The following DNM3 variants were observed in gnomAD, a reference collection of about 807,000 sequenced individuals.
DNM3 encodes dynamin 3, also known as dynamin-3.
Under a neutral mutation model 101.6 loss-of-function variants are expected in DNM3, and 47 were observed. The observed-to-expected ratio is 0.46, with a 90% confidence interval of 0.37 to 0.59. The LOEUF (loss-of-function observed/expected upper bound fraction) is 0.59. Ranked by LOEUF, DNM3 falls within the 20% of genes least tolerant of loss-of-function variation. DNM3 has a pLI of 0.00. For missense variants in DNM3, 849 were observed against 1,085.7 expected, an observed-to-expected ratio of 0.78 and a Z score of 3.06; for synonymous variants, 385 against 387.9, an observed-to-expected ratio of 0.99 and a Z score of 0.09.
chr1:172,076,677 T>C (rs1334097628), intron 11 of DNM3, among the ~76,000 whole-genome samples: 2 of 152,214 alleles, frequency 1.3e-5, no homozygotes, highest in South Asian at 2.1e-4. Context: ...GACTTGATCA[T>C]GGTGGAGAAG....
At chr1:172,172,259 C>G (rs2058989077) in intron 14 of DNM3, among the ~76,000 whole-genome samples, 1 of 151,648 alleles carries the variant, frequency 6.6e-6, no homozygotes, top group Non-Finnish European at 1.5e-5. Flanking sequence ...TCTGCAAATA[C>G]AGTAGTCCCC....
chr1:172,190,736 T>C lies in DNM3; in HGVS notation c.1659+59448T>C, dbSNP rs183598704. ...ACTGGTGTGAGATGGTATCTCATTG[T>C]GGTTTTGATTTGCATTTCTCTGATG... is the stretch of plus-strand genomic sequence containing the variant. On this transcript the variant is annotated intron_variant, in intron 14 of 20. Coordinates refer to ENST00000627582, the MANE Select transcript of DNM3 (RefSeq NM_015569.5). Among the ~76,000 whole-genome samples the C allele has an allele frequency of 9.8e-5, 15 of 152,304 alleles. 1 individual carries two copies. The East Asian group carries it at 2.3e-3, about 24-fold the overall frequency.
rs548033118 is a variant in DNM3, at chr1:172,044,939, G to A, written c.1196+487G>A. Reference sequence around the variant, plus strand: ...TGTGCATGTGTGCTTGCACATGTGGGAGCGTGCATATGAAGTGGGCAGCAG... The same window carrying A: ...TGTGCATGTGTGCTTGCACATGTGGAAGCGTGCATATGAAGTGGGCAGCAG... On this transcript the variant is annotated intron_variant, in intron 9 of 20. Coordinates refer to ENST00000627582, the MANE Select transcript of DNM3 (RefSeq NM_015569.5). Among the ~76,000 whole-genome samples, 6 of 152,290 alleles carry A rather than the reference G, an allele frequency of 3.9e-5. No homozygotes were observed. In the East Asian group the frequency reaches 7.7e-4, roughly 20 times the overall value.
At chr1:172,237,365 T>G (rs1008730893) in intron 14 of DNM3, among the ~76,000 whole-genome samples, 27 of 152,132 alleles carry the variant, frequency 1.8e-4, no homozygotes, top group African/African-American at 5.8e-4. Context: ...GGACACCCAG[T>G]GTATGTTCCA....
At chr1:172,049,681 A>G (rs1232090892) in intron 10 of DNM3, among the ~76,000 whole-genome samples, 6 of 152,116 alleles carry the variant, frequency 3.9e-5, no homozygotes, top group African/African-American at 1.2e-4. Context: ...TGCTTTTAAT[A>G]TTTCTTCAAC....
chr1:171,931,652 C>T (rs907839693), intron 2 of DNM3, among the ~76,000 whole-genome samples: 3 of 152,016 alleles, frequency 2.0e-5, no homozygotes, highest in Non-Finnish European at 4.4e-5. Context: ...TTCCCCAATT[C>T]CCTTTATCTT....
At chr1:172,318,442 A>C (rs1334204800) in intron 16 of DNM3, among the ~76,000 whole-genome samples, 1 of 152,242 alleles carries the variant, frequency 6.6e-6, no homozygotes, top group Non-Finnish European at 1.5e-5. Context: ...AGAGGAAGCC[A>C]AATTGTCCCT....
intron 1 of DNM3, among the ~76,000 whole-genome samples, chr1:171,889,102 C>G (rs934346685): frequency 6.6e-6 from 1 of 152,156 alleles, no homozygotes; most frequent in African/African-American, 2.4e-5. Flanking sequence ...ACCTCAGCCT[C>G]CTGAGTAGCT....
intron 2 of DNM3, among the ~76,000 whole-genome samples, chr1:171,965,605 A>T (rs561033816): frequency 4.5e-4 from 69 of 151,990 alleles, no homozygotes; most frequent in Admixed American, 1.6e-3. Context: ...GATACAGATG[A>T]ATAGCCAGAA....
intron 17 of DNM3, among the ~76,000 whole-genome samples, chr1:172,345,763 G>C (rs1380008926): frequency 6.6e-6 from 1 of 152,092 alleles, no homozygotes; most frequent in African/African-American, 2.4e-5. Context: ...CCAGTTTAGG[G>C]GGAGACTGAT....
rs369666355 is a variant in DNM3, at chr1:171,945,779, C to T, written c.235+23958C>T. ...GGATTGGCGTGGGATGTTGGATAAC[C>T]TACTTCATATAGGGTGATCAAAAGG... On this transcript the variant is annotated intron_variant, in intron 2 of 20. Coordinates refer to ENST00000627582, the MANE Select transcript of DNM3 (RefSeq NM_015569.5). Among the ~76,000 whole-genome samples the T allele has an allele frequency of 1.1e-3, 168 of 152,138 alleles. No individual in the cohort carries two copies. The Middle Eastern group carries it at 0.031, about 28-fold the overall frequency.
At chr1:172,292,899 C>G (rs1284778019) in intron 15 of DNM3, among the ~76,000 whole-genome samples, 1 of 152,048 alleles carries the variant, frequency 6.6e-6, no homozygotes, top group Admixed American at 6.6e-5. Context: ...CACTGGCAAC[C>G]AGAAATTGTA....
At chr1:172,362,526 C>T (rs2067795487) in intron 17 of DNM3, among the ~76,000 whole-genome samples, 1 of 151,906 alleles carries the variant, frequency 6.6e-6, no homozygotes, top group Non-Finnish European at 1.5e-5. Context: ...CATACTGAAT[C>T]TCATTTGTTT....
intron 1 of DNM3, among the ~76,000 whole-genome samples, chr1:171,860,544 T>C (rs2125040373): frequency 6.6e-6 from 1 of 152,310 alleles, no homozygotes; most frequent in African/African-American, 2.4e-5. Context: ...TTTTGTAATG[T>C]GGCTATTAGA....
At chr1:172,208,433 G>A (rs1320007864) in intron 14 of DNM3, among the ~76,000 whole-genome samples, 1 of 152,056 alleles carries the variant, frequency 6.6e-6, no homozygotes, top group Non-Finnish European at 1.5e-5. Flanking sequence ...TAGATTTAGA[G>A]TAAAGCAGGT....
At chr1:172,085,211 T>G (rs961364018) in intron 12 of DNM3, among the ~76,000 whole-genome samples, 1 of 151,966 alleles carries the variant, frequency 6.6e-6, no homozygotes, top group Non-Finnish European at 1.5e-5. Flanking sequence ...CAAATTTCTT[T>G]GTGACTTAAG....
chr1:172,129,492 G>T (rs1184970985), intron 13 of DNM3, among the ~76,000 whole-genome samples: 1 of 152,014 alleles, frequency 6.6e-6, no homozygotes, highest in Non-Finnish European at 1.5e-5. Context: ...CCCGAGACTG[G>T]GAAGAAAAAG....
chr1:171,950,839 A>T (rs1252179768), intron 2 of DNM3, among the ~76,000 whole-genome samples: 1 of 152,162 alleles, frequency 6.6e-6, no homozygotes, highest in African/African-American at 2.4e-5. Context: ...ATTGTATATC[A>T]ATTATACCAC....
In DNM3 at chr1:172,045,275, T is replaced by C. The variant is rs751548137; in HGVS notation, c.1196+823T>C. On this transcript the variant is annotated intron_variant, in intron 9 of 20. Coordinates refer to ENST00000627582, the MANE Select transcript of DNM3 (RefSeq NM_015569.5). ...TGTTTGGACTGCTGTAACAAATGAC[T>C]ACAGACTGGGTGGCTTATAAACCAC... Among the ~76,000 whole-genome samples, 9 of 152,180 alleles carry C rather than the reference T, an allele frequency of 5.9e-5. No individual in the cohort carries two copies. In the South Asian group the frequency reaches 8.3e-4, roughly 14 times the overall value.
Sources: gnomAD v4.1 joint callset for allele counts (sites outside exome capture counted in the v4.1 genomes callset) on GRCh38, gnomAD v4.1.1 for gene constraint, MANE v1.5 for transcripts, NCBI Gene and HGNC (gene_info 2026-07-23, HGNC 2026-07-21) for gene names.